KCNIP1: variants seen among roughly 807,000 people sequenced by gnomAD.
KCNIP1 encodes A-type potassium channel modulatory protein KCNIP1.
Under a neutral mutation model 33.0 loss-of-function variants are expected in KCNIP1, and 18 were observed. The ratio of observed to expected loss-of-function variants is 0.55; its 90% CI spans 0.38 to 0.81. KCNIP1 has a LOEUF of 0.81. Ranked by LOEUF, KCNIP1 falls within the 30% of genes least tolerant of loss-of-function variation. KCNIP1 has a pLI of 0.00. For missense variants in KCNIP1, 238 were observed against 271.6 expected (o/e 0.88, Z 0.87); for synonymous variants, 93 against 98.3 (o/e 0.95, Z 0.32).
At chr5:170,624,737 G>T (rs1244276346) in intron 1 of KCNIP1, among the ~76,000 whole-genome samples, 3 of 121,578 alleles carry the variant, frequency 2.5e-5, no homozygotes, top group Non-Finnish European at 3.5e-5. Context: ...GGAGGTGGGG[G>T]GGGAGAGGGG....
intron 1 of KCNIP1, among the ~76,000 whole-genome samples, chr5:170,556,533 T>TG (rs888906055): frequency 6.6e-6 from 1 of 151,172 alleles, no homozygotes; most frequent in Non-Finnish European, 1.5e-5. Context: ...CTCCAGGAGG[T>TG]GGGGGGTGGG....
At chr5:170,420,382 C>G (rs995591426) in intron 1 of KCNIP1, 9 of 152,046 alleles carry the variant, frequency 5.9e-5, no homozygotes, top group Non-Finnish European at 1.0e-4. Flanking sequence ...TTTCTTTTCT[C>G]TAGCCTCATT....
At chr5:170,734,426 T>A (rs996950148) in intron 7 of KCNIP1, among the ~76,000 whole-genome samples, 1 of 152,110 alleles carries the variant, frequency 6.6e-6, no homozygotes, top group Non-Finnish European at 1.5e-5. Flanking sequence ...TGAAACAATA[T>A]CCTTGATGAT....
intron 1 of KCNIP1, among the ~76,000 whole-genome samples, chr5:170,522,648 G>A: frequency 6.6e-6 from 1 of 152,330 alleles, no homozygotes; most frequent in South Asian, 2.1e-4. Flanking sequence ...TTGGGACACA[G>A]CCAGCAGCCT....
chr5:170,425,413 T>C (rs1268470394), intron 1 of KCNIP1, among the ~76,000 whole-genome samples: 6 of 152,192 alleles, frequency 3.9e-5, no homozygotes, highest in African/African-American at 1.4e-4. Flanking sequence ...TGCAGGAGTC[T>C]TTCTCCAGGT....
intron 1 of KCNIP1, among the ~76,000 whole-genome samples, chr5:170,463,637 A>G (rs924267531): frequency 6.6e-6 from 1 of 152,348 alleles, no homozygotes; most frequent in East Asian, 1.9e-4. Context: ...TGATAAAAAC[A>G]CTCAACAAAC....
chr5:170,708,526 A>G (rs1199747049), intron 1 of KCNIP1, among the ~76,000 whole-genome samples: 1 of 152,234 alleles, frequency 6.6e-6, no homozygotes, highest in Non-Finnish European at 1.5e-5. Context: ...AAGTGTTGAT[A>G]TGTCATATTC....
At chr5:170,490,856 A>T (rs1203418209) in intron 1 of KCNIP1, among the ~76,000 whole-genome samples, 4 of 152,160 alleles carry the variant, frequency 2.6e-5, no homozygotes, top group African/African-American at 9.7e-5. Context: ...CCACTCTGTG[A>T]GGCTGTAGGC....
chr5:170,583,520 C>A (rs1056813545), intron 1 of KCNIP1, among the ~76,000 whole-genome samples: 1 of 152,136 alleles, frequency 6.6e-6, no homozygotes, highest in African/African-American at 2.4e-5. Context: ...CATCTAAGTT[C>A]TCTCCTTCCT....
intron 4 of KCNIP1, 150 bp downstream of exon 4, chr5:170,722,053 A>G (rs1350807846): frequency 9.9e-7 from 1 of 1,011,014 alleles, no homozygotes; most frequent in African/African-American, 1.6e-5. Flanking sequence ...TTTCCTAAAG[A>G]TGGGGAAAAG....
Position 170,652,141 on chromosome 5 carries a change from T to A in KCNIP1, c.62-66617T>A, listed in dbSNP as rs545074632. Among the ~76,000 whole-genome samples, 23 of 152,132 alleles carry A rather than the reference T, an allele frequency of 1.5e-4. 1 individual carries two copies. The South Asian group carries it at 4.8e-3, about 32-fold the overall frequency. ...GGAGAGTGCAGTGTGAGTGCCTGGT[T>A]GCCAGGTTAGTTGTGTTGGGGGAAA... is the stretch of plus-strand genomic sequence containing the variant. On this transcript the variant is annotated intron_variant, in intron 1 of 7. Transcript: ENST00000328939.
intron 1 of KCNIP1, among the ~76,000 whole-genome samples, chr5:170,462,127 C>T (rs921788971): frequency 2.6e-5 from 4 of 151,934 alleles, no homozygotes; most frequent in African/African-American, 9.7e-5. Context: ...CTTAATTAAA[C>T]TAAAGAGCTT....
chr5:170,485,787 A>AC (rs1198396213), intron 1 of KCNIP1: 1 of 149,250 alleles, frequency 6.7e-6, no homozygotes, highest in Non-Finnish European at 1.5e-5. Context: ...CAGCCCAAGG[A>AC]CCCCCAGCCC....
chr5:170,426,274 AAC>A (rs1554091618), intron 1 of KCNIP1, among the ~76,000 whole-genome samples: 3 of 56,708 alleles, frequency 5.3e-5, no homozygotes, highest in Non-Finnish European at 1.1e-4. Flanking sequence ...CACACACACA[AAC>A]ACACACACAC....
At chr5:170,690,498 C>G (rs981476932) in intron 1 of KCNIP1, among the ~76,000 whole-genome samples, 4 of 152,208 alleles carry the variant, frequency 2.6e-5, no homozygotes, top group African/African-American at 9.6e-5. Context: ...GATAAAGTTC[C>G]ATCTGACAAA....
chr5:170,641,894 G>A (rs1261133137), intron 1 of KCNIP1, among the ~76,000 whole-genome samples: 1 of 152,136 alleles, frequency 6.6e-6, no homozygotes, highest in Non-Finnish European at 1.5e-5. Context: ...GAAGGCCCTC[G>A]TCCTCGGTGG....
intron 1 of KCNIP1, among the ~76,000 whole-genome samples, chr5:170,388,970 G>A (rs1480410236): frequency 6.6e-6 from 1 of 152,182 alleles, no homozygotes; most frequent in South Asian, 2.1e-4. Flanking sequence ...CTCTACCGGT[G>A]ACAAGTGCCA....
intron 1 of KCNIP1, among the ~76,000 whole-genome samples, chr5:170,595,095 T>G (rs1387723337): frequency 6.6e-6 from 1 of 152,048 alleles, no homozygotes; most frequent in Non-Finnish European, 1.5e-5. Context: ...GCCACCAAAG[T>G]CCAAGCATCT....
At chr5:170,597,196 G>C (rs529627446) in intron 1 of KCNIP1, among the ~76,000 whole-genome samples, 2 of 152,250 alleles carry the variant, frequency 1.3e-5, no homozygotes, top group African/African-American at 4.8e-5. Flanking sequence ...CGCACGGTGG[G>C]TGGCTGGTTC....
Sources: allele counts gnomAD v4.1 joint callset (sites outside exome capture counted in the v4.1 genomes callset), GRCh38; gene constraint gnomAD v4.1.1; transcripts MANE v1.5; gene names NCBI Gene and HGNC (gene_info 2026-07-23, HGNC 2026-07-21).